FARP2: variants seen among roughly 807,000 people sequenced by gnomAD.
The protein encoded by FARP2 is FERM, ARH/RhoGEF and pleckstrin domain protein 2, also known as FERM, ARHGEF and pleckstrin domain-containing protein 2.
Under a neutral mutation model 130.5 loss-of-function variants are expected in FARP2, and 111 were observed. The observed-to-expected ratio is 0.85, with a 90% CI of 0.73 to 1.00. The LOEUF is 1.00. Ranked by LOEUF, FARP2 falls within the 50% of genes least tolerant of loss-of-function variation. The probability of loss-of-function intolerance (pLI) is 0.00; values close to 1 mark genes in which losing one functional copy is unlikely to be tolerated. For missense variants in FARP2, 1,385 were observed against 1,346.3 expected (o/e 1.03, Z -0.45); for synonymous variants, 504 against 516.9 (o/e 0.98, Z 0.34).
At chr2:241,380,945 C>G (rs2061647214) in intron 2 of FARP2, among the ~76,000 whole-genome samples, 2 of 152,096 alleles carry the variant, frequency 1.3e-5, no homozygotes, top group Admixed American at 1.3e-4. Context: ...GTGCCCATCC[C>G]CACTCTGTAG....
rs368915272 is a variant in FARP2 at position 241,475,417 on chromosome 2, G to A, written c.2132-440G>A. Among the ~76,000 whole-genome samples the A allele has an allele frequency of 6.8e-4, 104 of 152,302 alleles. No homozygotes were observed. Among genetic ancestry groups the A allele is most frequent in the African/African-American group, 2.4e-3 (100 of 41,574 alleles). Reference sequence around the variant, plus strand: ...TTAGGAACCAGGCCACACGGCAGGAGGTGAGTGGCGGGCAAGTGAAGCTTC... The same window carrying A: ...TTAGGAACCAGGCCACACGGCAGGAAGTGAGTGGCGGGCAAGTGAAGCTTC... On this transcript the variant is annotated intron_variant, in intron 18 of 26. Transcript: ENST00000264042. This position sits in a 1 kb window ranked among gnomAD's most constrained non-coding sequence, Gnocchi z 4.4.
chr2:241,491,993 C>G (rs1261468549), intron 24 of FARP2, among the ~76,000 whole-genome samples: 3 of 152,204 alleles, frequency 2.0e-5, no homozygotes, highest in Non-Finnish European at 4.4e-5. Context: ...CCCCCCGTCC[C>G]AGTGCCTCCA....
intron 4 of FARP2, among the ~76,000 whole-genome samples, chr2:241,407,097 C>T (rs1011182185): frequency 4.6e-5 from 7 of 152,174 alleles, no homozygotes; most frequent in African/African-American, 9.6e-5. Context: ...CGTGAGCCAC[C>T]GCGCCCAGCC....
intron 6 of FARP2, among the ~76,000 whole-genome samples, chr2:241,413,083 T>G (rs2062564608): frequency 6.6e-6 from 1 of 152,202 alleles, no homozygotes; most frequent in Non-Finnish European, 1.5e-5. Flanking sequence ...GAGTTACTAA[T>G]CAGGCCTTTG....
Position 241,462,588 on chromosome 2 carries a change from C to T in FARP2, c.1653C>T (p.Leu551=). ...TTCTCGCTACAGAACGAACATACCT[C>T]AAGGATTTAGAAGTTATTACCGTGG... The part of the protein sequence containing the change: ...KEILATERTY[L]KDLEVITVWF... Residue 551 remains leucine (L), a synonymous_variant, in exon 15 of 27, where the codon CTC becomes CTT. Transcript: ENST00000264042. 1 of 1,612,910 alleles carries T rather than the reference C, an allele frequency of 6.2e-7. No individual in the cohort carries two copies. Among genetic ancestry groups the T allele is most frequent in the African/African-American group, 1.3e-5 (1 of 75,012 alleles).
chr2:241,389,931 T>C (rs2061869014), intron 2 of FARP2, among the ~76,000 whole-genome samples: 1 of 152,190 alleles, frequency 6.6e-6, no homozygotes, highest in African/African-American at 2.4e-5. Context: ...GAGCTTGGTA[T>C]GTGGGTTTGG....
intron 2 of FARP2, among the ~76,000 whole-genome samples, chr2:241,392,107 G>C (rs944832020): frequency 7.9e-5 from 12 of 152,222 alleles, no homozygotes; most frequent in African/African-American, 2.9e-4. Flanking sequence ...GGATGGTGAA[G>C]TTCACTAAGG....
intron 2 of FARP2, among the ~76,000 whole-genome samples, chr2:241,375,734 A>G (rs2061520449): frequency 6.6e-6 from 1 of 152,036 alleles, no homozygotes; most frequent in African/African-American, 2.4e-5. Flanking sequence ...GGTCTTGCAT[A>G]TTCTGAATAT....
Position 241,395,105 on chromosome 2 carries a change from G to A in FARP2, c.184-8723G>A, listed in dbSNP as rs980057364. On this transcript the variant is annotated intron_variant, in intron 2 of 26. Coordinates refer to ENST00000264042, the MANE Select transcript of FARP2 (RefSeq NM_014808.4). ...GTGTTGTTCTTCAATTGAGGAAGCC[G>A]AGCCTAAGCATACCCACCAAGTGGA... Among the ~76,000 whole-genome samples, 3 of 152,120 alleles carry A rather than the reference G, an allele frequency of 2.0e-5. 1 individual carries two copies. The highest frequency in any genetic ancestry group is 4.1e-4 in the South Asian group (2 of 4,832).
rs372259490 is a variant in FARP2 at position 241,410,038 on chromosome 2, CAG to C, written c.411-994_411-993del. ...ACTGGGGCATGAATTCCACTAGGGA[CAG>C]GGGGTTGGTCTTGCTTACCTTTGCA... On this transcript the variant is annotated intron_variant, in intron 5 of 26. Transcript: ENST00000264042. 4.1e-3 allele frequency among the ~76,000 whole-genome samples: 618 copies of C among 152,260 alleles called. 14 individuals are homozygous for C. In the South Asian group the frequency reaches 0.042, roughly 10 times the overall value.
chr2:241,465,928 T>C, intron 17 of FARP2: 1 of 1,423,960 alleles, frequency 7.0e-7, no homozygotes, highest in Non-Finnish European at 9.2e-7. Context: ...TTTTCCTGCC[T>C]CGACGGAAGC....
intron 14 of FARP2, among the ~76,000 whole-genome samples, chr2:241,461,673 C>A (rs1408114992): frequency 6.6e-6 from 1 of 152,212 alleles, no homozygotes; most frequent in Admixed American, 6.5e-5. Context: ...GGCGCCTATT[C>A]GGAGCTGACA....
At position 241,434,194 on chromosome 2, in the gene FARP2, A is replaced by G. The variant is rs2063161138; in HGVS notation, c.904A>G (p.Ser302Gly). 2 of 1,613,362 alleles carry G rather than the reference A, an allele frequency of 1.2e-6. No homozygotes were observed. Among genetic ancestry groups the G allele is most frequent in the South Asian group, 2.2e-5 (2 of 90,978 alleles). ...YQDTLEFLLGSRDECKNFWKI... is the reference protein window; with the variant it reads ...YQDTLEFLLGGRDECKNFWKI... Reference sequence around the variant, plus strand: ...GGACACATTAGAATTTTTGTTGGGTAGTAGAGATGAATGTAAGAACTTCTG... The same window carrying G: ...GGACACATTAGAATTTTTGTTGGGTGGTAGAGATGAATGTAAGAACTTCTG... Residue 302 changes from serine (S) to glycine (G), a missense_variant, in exon 10 of 27, where the codon AGT becomes GGT. Physicochemically the swap from Ser to Gly is moderately conservative, Grantham distance 56. Transcript: ENST00000264042.
At chr2:241,382,256 A>G (rs1031665971) in intron 2 of FARP2, among the ~76,000 whole-genome samples, 4 of 148,980 alleles carry the variant, frequency 2.7e-5, no homozygotes, top group Non-Finnish European at 6.0e-5. Context: ...TAATGGCTAT[A>G]TAGTGTTCTA....
chr2:241,385,582 T>TG (rs1161693772), intron 2 of FARP2, among the ~76,000 whole-genome samples: 3 of 152,050 alleles, frequency 2.0e-5, no homozygotes, highest in African/African-American at 7.2e-5. Flanking sequence ...TAGCCAGGCA[T>TG]GGTGGCTCAC....
chr2:241,370,144 C>G (rs1191256808), intron 1 of FARP2, among the ~76,000 whole-genome samples: 5 of 151,982 alleles, frequency 3.3e-5, no homozygotes, highest in Non-Finnish European at 2.9e-5. Context: ...TAGTTAATAC[C>G]TTATTGTATA....
intron 2 of FARP2, among the ~76,000 whole-genome samples, chr2:241,387,642 A>G (rs1286608674): frequency 6.6e-6 from 1 of 151,984 alleles, no homozygotes; most frequent in Non-Finnish European, 1.5e-5. Context: ...AAATACAAAA[A>G]ATTAGCCAGG....
chr2:241,494,051 G>GCCCCAAGCATCGTGCAGGAGGGC lies in FARP2; in HGVS notation c.3110_3111insGGGCCCCCAAGCATCGTGCAGGA (p.Asp1037GlufsTer76). The GCCCCAAGCATCGTGCAGGAGGGC allele has an allele frequency of 7.0e-7, 1 of 1,423,730 alleles. No individual in the cohort carries two copies. 88.2% of individuals were successfully genotyped at this position (1,423,730 alleles called of 1,614,324 possible). The stretch of plus-strand genomic sequence containing the variant: ...GGGGGCCAGCAGCTCAGCCGGGAGG[G>GCCCCAAGCATCGTGCAGGAGGGC]CCCCAAGCATCGTGCAGGATGGCCC... On this transcript the variant is annotated frameshift_variant, in exon 27 of 27. Transcript: ENST00000264042. LOFTEE classifies it low-confidence loss of function (END_TRUNC). This position sits in a 1 kb window ranked among gnomAD's most constrained non-coding sequence, Gnocchi z 4.9.
intron 2 of FARP2, among the ~76,000 whole-genome samples, chr2:241,376,554 T>G (rs1044063723): frequency 6.6e-6 from 1 of 152,226 alleles, no homozygotes; most frequent in Non-Finnish European, 1.5e-5. Flanking sequence ...CCACCCTGCA[T>G]AGCCCCACAG....
Sources: allele counts gnomAD v4.1 joint callset (sites outside exome capture counted in the v4.1 genomes callset), GRCh38; gene constraint gnomAD v4.1.1; non-coding constraint Gnocchi (gnomAD v3.1); transcripts MANE v1.5; gene names NCBI Gene and HGNC (gene_info 2026-07-23, HGNC 2026-07-21).